Variants in TTC28 observed in about 807,000 individuals in gnomAD.
TTC28 encodes the protein tetratricopeptide repeat protein 28.
A neutral mutation model predicts 198.0 loss-of-function variants in TTC28; 61 were observed. That is an observed-to-expected ratio of 0.31 (90% CI 0.25 to 0.38). The LOEUF is 0.38. TTC28 is among the 10% of genes least tolerant of loss of function. TTC28 has a pLI of 1.00. For missense variants in TTC28, 2,678 were observed against 3,164.0 expected (o/e 0.85, Z 3.69); for synonymous variants, 1,171 against 1,297.8 (o/e 0.90, Z 2.10).
At chr22:28,531,238 C>A (rs1196976414) in intron 2 of TTC28, among the ~76,000 whole-genome samples, 1 of 151,940 alleles carries the variant, frequency 6.6e-6, no homozygotes, top group Non-Finnish European at 1.5e-5. Flanking sequence ...TGGAAAACAA[C>A]AAAAAGCAGG....
At chr22:27,989,636 T>TG (rs1047636036) in intron 21 of TTC28, among the ~76,000 whole-genome samples, 3 of 152,194 alleles carry the variant, frequency 2.0e-5, no homozygotes, top group African/African-American at 4.8e-5. Flanking sequence ...TTTGTAGAGA[T>TG]GGGGTCTCCC....
intron 2 of TTC28, among the ~76,000 whole-genome samples, chr22:28,475,438 C>T (rs182786304): frequency 6.6e-5 from 10 of 152,180 alleles, no homozygotes; most frequent in East Asian, 1.9e-4. Context: ...AAACCCACAC[C>T]GACATGGGGA....
At chr22:28,152,450 A>G (rs1258647501) in intron 6 of TTC28, among the ~76,000 whole-genome samples, 2 of 152,164 alleles carry the variant, frequency 1.3e-5, no homozygotes, top group East Asian at 3.8e-4. Context: ...TCTCTTGTGG[A>G]AAGATCTGTG....
At chr22:28,036,127 T>C (rs901409252) in intron 12 of TTC28, among the ~76,000 whole-genome samples, 1 of 152,188 alleles carries the variant, frequency 6.6e-6, no homozygotes, top group African/African-American at 2.4e-5. Flanking sequence ...AACTCAGCTC[T>C]GGACCAAGTG....
At chr22:28,263,665 G>A (rs761552596) in intron 5 of TTC28, among the ~76,000 whole-genome samples, 1 of 152,020 alleles carries the variant, frequency 6.6e-6, no homozygotes, top group Non-Finnish European at 1.5e-5. Flanking sequence ...ATTTTTAATG[G>A]GGTGATATTG....
chr22:28,165,061 T>A (rs1043299022), intron 5 of TTC28, among the ~76,000 whole-genome samples: 4 of 152,082 alleles, frequency 2.6e-5, no homozygotes, highest in African/African-American at 9.7e-5. Context: ...TGCGATCAAC[T>A]GGAAGAAAGG....
rs142700952 is a variant in TTC28 at position 28,538,708 on chromosome 22, C to T, written c.381+90844G>A. 2.0e-3 allele frequency among the ~76,000 whole-genome samples: 300 copies of T among 151,898 alleles called. 2 individuals are homozygous for T. In the East Asian group the frequency reaches 0.031, roughly 16 times the overall value. ...TTGAGTAGCTGGGATTACAGGCGTGCGCCACCACGTCCAGCTAATTTTTTT... is the reference window on the plus strand; with the variant it reads ...TTGAGTAGCTGGGATTACAGGCGTGTGCCACCACGTCCAGCTAATTTTTTT... On this transcript the variant is annotated intron_variant, in intron 2 of 22. Transcript: ENST00000397906.
At chr22:28,071,426 T>C (rs537799225) in intron 12 of TTC28, among the ~76,000 whole-genome samples, 4 of 150,836 alleles carry the variant, frequency 2.7e-5, no homozygotes, top group Non-Finnish European at 5.9e-5. Flanking sequence ...GTTCATGTCC[T>C]TTGTAGGGAC....
intron 6 of TTC28, among the ~76,000 whole-genome samples, chr22:28,137,832 T>C (rs1424333257): frequency 6.6e-6 from 1 of 151,990 alleles, no homozygotes; most frequent in Non-Finnish European, 1.5e-5. Context: ...CTAGCCAAAA[T>C]GGGGAAACCC....
chr22:28,428,892 G>A (rs187208564), intron 2 of TTC28, among the ~76,000 whole-genome samples: 3,006 of 151,962 alleles, frequency 0.02, 47 homozygotes, highest in Middle Eastern at 0.031. Context: ...TGCCCGCCTC[G>A]GCCTCCCAAA....
At chr22:28,540,851 T>G (rs1190595506) in intron 2 of TTC28, among the ~76,000 whole-genome samples, 1 of 152,176 alleles carries the variant, frequency 6.6e-6, no homozygotes, top group East Asian at 1.9e-4. Flanking sequence ...TGAATATGTC[T>G]AAAACTACAC....
At position 28,169,120 on chromosome 22, in the gene TTC28, G is replaced by T. The variant is rs59986684; in HGVS notation, c.934-5521C>A. 7.3e-4 allele frequency among the ~76,000 whole-genome samples: 111 copies of T among 152,284 alleles called. 1 individual carries two copies. Among genetic ancestry groups the T allele is most frequent in the African/African-American group, 2.6e-3 (108 of 41,556 alleles). Reference sequence around the variant, plus strand: ...GAGAAATGCAAATCAAAACCACAATGATACACCATCGCACACCAGTTAGAA... The same window carrying T: ...GAGAAATGCAAATCAAAACCACAATTATACACCATCGCACACCAGTTAGAA... On this transcript the variant is annotated intron_variant, in intron 5 of 22. Transcript: ENST00000397906.
At position 28,105,545 on chromosome 22, in the gene TTC28, T is replaced by C. The variant is rs1298156132; in HGVS notation, c.3041A>G (p.Asp1014Gly). ...AAGCTGGTGGTACTGCAGGGCTGTGTCATACTCCCCCATCTGCTGGTAAAC... is the reference window on the plus strand; with the variant it reads ...AAGCTGGTGGTACTGCAGGGCTGTGCCATACTCCCCCATCTGCTGGTAAAC... Reference protein sequence around the residue: ...GGVYQQMGEYDTALQYHQLDL... With the variant: ...GGVYQQMGEYGTALQYHQLDL... Residue 1014 changes from aspartate (D) to glycine (G), a missense_variant, in exon 8 of 23, where the codon GAC (aspartate) becomes GGC (glycine). Coordinates refer to ENST00000397906, the MANE Select transcript of TTC28 (RefSeq NM_001145418.2). 1.9e-6 allele frequency: 3 copies of C among 1,551,672 alleles called. No homozygotes were observed. Among genetic ancestry groups the C allele is most frequent in the Middle Eastern group, 1.7e-4 (1 of 5,992 alleles).
At chr22:28,023,076 C>T (rs1247152418) in intron 13 of TTC28, among the ~76,000 whole-genome samples, 3 of 152,216 alleles carry the variant, frequency 2.0e-5, no homozygotes, top group Non-Finnish European at 2.9e-5. Context: ...TCCTCTCAAG[C>T]CCAGGAATGA....
At chr22:28,015,635 A>G (rs1056689317) in intron 13 of TTC28, among the ~76,000 whole-genome samples, 2 of 151,750 alleles carry the variant, frequency 1.3e-5, no homozygotes, top group Admixed American at 6.6e-5. Context: ...TGTGTTACCC[A>G]GGCTGGTCTT....
chr22:28,514,954 A>T (rs2048755256), intron 2 of TTC28, among the ~76,000 whole-genome samples: 3 of 152,208 alleles, frequency 2.0e-5, no homozygotes, highest in African/African-American at 7.2e-5. Context: ...TAATGTATTC[A>T]GCTTTTATTA....
intron 2 of TTC28, among the ~76,000 whole-genome samples, chr22:28,429,558 T>C (rs1363700059): frequency 3.3e-5 from 5 of 152,218 alleles, no homozygotes; most frequent in African/African-American, 7.2e-5. Flanking sequence ...CAGACAATCA[T>C]AGCCTAAGTT....
At chr22:27,986,660 T>TATGTGTCGTGACTCAGCAACAGCAC (rs1937226927) in intron 21 of TTC28, among the ~76,000 whole-genome samples, 1 of 152,176 alleles carries the variant, frequency 6.6e-6, no homozygotes, top group Non-Finnish European at 1.5e-5. Flanking sequence ...ACTGTCAGCA[T>TATGTGTCGTGACTCAGCAACAGCAC]GCTATGTGTC....
intron 2 of TTC28, among the ~76,000 whole-genome samples, chr22:28,462,312 C>T (rs1193787558): frequency 6.6e-6 from 1 of 152,094 alleles, no homozygotes; most frequent in East Asian, 1.9e-4. Context: ...TTTTAAGAGC[C>T]ATAATGTGGT....
Sources: allele counts gnomAD v4.1 joint callset (sites outside exome capture counted in the v4.1 genomes callset), GRCh38; gene constraint gnomAD v4.1.1; transcripts MANE v1.5; gene names NCBI Gene and HGNC (gene_info 2026-07-23, HGNC 2026-07-21).